Variants in ASCC3 observed in about 807,000 individuals in gnomAD.
ASCC3 encodes ASC-1 complex subunit P200.
ASCC3 carries 158 observed loss-of-function variants against 256.3 expected under a neutral mutation model. That is an observed-to-expected ratio of 0.62 (90% CI 0.54 to 0.70). The LOEUF is 0.70. ASCC3 is among the 30% of genes least tolerant of loss of function. The pLI is 0.00. For synonymous variants in ASCC3, 948 were observed against 883.4 expected, an observed-to-expected ratio of 1.07 and a Z score of -1.30; for missense variants, 2,259 against 2,626.0, an observed-to-expected ratio of 0.86 and a Z score of 3.05.
At chr6:100,772,364 T>C (rs756677723) in intron 8 of ASCC3, among the ~76,000 whole-genome samples, 1 of 152,176 alleles carries the variant, frequency 6.6e-6, no homozygotes, top group Non-Finnish European at 1.5e-5. Context: ...TGAATGCTCA[T>C]AGCAGCTTTA....
rs79204049 is a variant in ASCC3, at chr6:100,794,557, A to C, written c.1395+4156T>G. Among the ~76,000 whole-genome samples the C allele has an allele frequency of 0.013, 1,956 of 152,202 alleles. 101 individuals carry two copies. The East Asian group carries it at 0.15, about 12-fold the overall frequency. On this transcript the variant is annotated intron_variant, in intron 8 of 41. Transcript: ENST00000369162. The stretch of plus-strand genomic sequence containing the variant: ...CAACTGTACCACTTATTTCCATGGA[A>C]ATGGAACAGATACACTACATTGAGT...
chr6:100,744,475 T>A (rs1388885075), intron 10 of ASCC3, among the ~76,000 whole-genome samples: 2 of 152,136 alleles, frequency 1.3e-5, no homozygotes, highest in East Asian at 3.8e-4. Flanking sequence ...AACTTGATAA[T>A]ATAGGATAAC....
intron 4 of ASCC3, among the ~76,000 whole-genome samples, chr6:100,847,146 T>C (rs887738377): frequency 2.0e-5 from 3 of 152,166 alleles, no homozygotes; most frequent in African/African-American, 7.2e-5. Flanking sequence ...AATGGTTTTA[T>C]GGCTTACTAA....
At position 100,694,808 on chromosome 6, in the gene ASCC3, G is replaced by A. The variant is rs1247925619; in HGVS notation, c.2152-15056C>T. On this transcript the variant is annotated intron_variant, in intron 13 of 41. Coordinates refer to ENST00000369162, the MANE Select transcript of ASCC3 (RefSeq NM_006828.4). The stretch of plus-strand genomic sequence containing the variant: ...TAAATTAATAAATAGGGGAAAGGAA[G>A]CTATTCCATACATATAGTGGGATGA... Among the ~76,000 whole-genome samples, 6 of 152,100 alleles carry A rather than the reference G, an allele frequency of 3.9e-5. No homozygotes were observed. The East Asian group carries it at 1.2e-3, about 29-fold the overall frequency.
chr6:100,628,390 A>G (rs1373802769), intron 27 of ASCC3, among the ~76,000 whole-genome samples: 1 of 152,162 alleles, frequency 6.6e-6, no homozygotes, highest in Non-Finnish European at 1.5e-5. Context: ...CAAAATTGCT[A>G]AATTGCAAAA....
chr6:100,528,277 T>C (rs969664204), intron 37 of ASCC3, among the ~76,000 whole-genome samples: 3 of 152,202 alleles, frequency 2.0e-5, no homozygotes, highest in African/African-American at 7.2e-5. Flanking sequence ...TTATCAGAAG[T>C]TGTTACAGAG....
intron 10 of ASCC3, among the ~76,000 whole-genome samples, chr6:100,755,359 G>A (rs1200447257): frequency 3.6e-5 from 5 of 140,524 alleles, no homozygotes; most frequent in Non-Finnish European, 6.3e-5. Context: ...CCCCCAATGT[G>A]CTTCCTCTTT....
intron 34 of ASCC3, among the ~76,000 whole-genome samples, chr6:100,596,684 C>G (rs1772318004): frequency 6.6e-6 from 1 of 152,136 alleles, no homozygotes; most frequent in African/African-American, 2.4e-5. Context: ...TTTTCTATGT[C>G]AATCACGTTT....
intron 37 of ASCC3, among the ~76,000 whole-genome samples, chr6:100,537,926 A>G (rs1362291906): frequency 1.3e-5 from 2 of 150,442 alleles, no homozygotes; most frequent in African/African-American, 4.9e-5. Context: ...TATACTGTAT[A>G]TAAAAATATC....
Position 100,638,628 on chromosome 6 carries a change from T to G in ASCC3, c.4095A>C (p.Arg1365Ser). The change falls in exon 25 of 42, where the codon AGA (arginine) becomes AGC (serine). Residue 1365 changes from arginine to serine, a missense_variant. Around this residue, in one of 2 missense-constraint regions of ASCC3, gnomAD observed 1,839 missense variants for 2,206.7 expected, o/e 0.83. Transcript: ENST00000369162. ...TTGAAGTAGGGTATTTGTTGAAGAC[T>G]CTGAAAATGGCTAATTCAGCTGCAA... ...KTVAAELAIF[R>S]VFNKYPTSKA... 6.2e-7 allele frequency: 1 copy of G among 1,613,632 alleles called. No individual in the cohort carries two copies. Among genetic ancestry groups the G allele is most frequent in the Non-Finnish European group, 8.5e-7 (1 of 1,179,546 alleles).
chr6:100,581,051 T>A (rs1038882371), intron 36 of ASCC3, among the ~76,000 whole-genome samples: 10 of 152,076 alleles, frequency 6.6e-5, no homozygotes, highest in Non-Finnish European at 1.5e-4. Flanking sequence ...TACGTGTGCA[T>A]GTGTCTTTAT....
intron 2 of ASCC3, 24 bp from the exon 3 acceptor site, chr6:100,864,238 A>G: frequency 1.3e-6 from 2 of 1,559,088 alleles, no homozygotes; most frequent in Non-Finnish European, 1.8e-6. Flanking sequence ...TATAATGTAG[A>G]AAAGTACTGC....
intron 36 of ASCC3, among the ~76,000 whole-genome samples, chr6:100,566,677 G>GT (rs1362601941): frequency 1.3e-5 from 2 of 151,726 alleles, no homozygotes; most frequent in Admixed American, 6.6e-5. Context: ...TTTGTTTTTT[G>GT]TTTTTTTAAG....
At chr6:100,710,134 G>A (rs925492595) in intron 13 of ASCC3, among the ~76,000 whole-genome samples, 2 of 152,130 alleles carry the variant, frequency 1.3e-5, no homozygotes, top group African/African-American at 4.8e-5. Flanking sequence ...AGATCCAAAA[G>A]TTTGTTAGTA....
chr6:100,758,388 G>T (rs1199717476), intron 10 of ASCC3, among the ~76,000 whole-genome samples: 1 of 152,006 alleles, frequency 6.6e-6, no homozygotes, highest in African/African-American at 2.4e-5. Context: ...AACCCCAATA[G>T]GTCCTGGTGT....
intron 29 of ASCC3, 89 bp from the exon 30 acceptor site, chr6:100,625,423 T>A: frequency 6.9e-7 from 1 of 1,451,474 alleles, no homozygotes; most frequent in Non-Finnish European, 9.7e-7. Flanking sequence ...ACATGAAAAC[T>A]AATGATGTAA....
chr6:100,622,377 CT>C (rs1228606502), intron 30 of ASCC3, among the ~76,000 whole-genome samples: 3 of 152,076 alleles, frequency 2.0e-5, no homozygotes, highest in Non-Finnish European at 4.4e-5. Context: ...GGCTCTTCCC[CT>C]TTTGCTCAGC....
intron 37 of ASCC3, among the ~76,000 whole-genome samples, chr6:100,532,406 ATTTTTTTTTTT>A (rs57203625): frequency 4.1e-5 from 2 of 48,480 alleles, no homozygotes; most frequent in East Asian, 1.3e-3. Context: ...ATATATATAT[ATTTTTTTTTTT>A]TTTTTTTTTT....
intron 3 of ASCC3, among the ~76,000 whole-genome samples, chr6:100,860,595 T>C: frequency 6.6e-6 from 1 of 151,986 alleles, no homozygotes; most frequent in Non-Finnish European, 1.5e-5. Context: ...AGCAGCATAT[T>C]AGGCAATGGA....
Sources: allele counts gnomAD v4.1 joint callset (sites outside exome capture counted in the v4.1 genomes callset), GRCh38; gene constraint gnomAD v4.1.1; regional missense constraint gnomAD v4.1.1; transcripts MANE v1.5; gene names NCBI Gene and HGNC (gene_info 2026-07-23, HGNC 2026-07-21).